METTL2A: variants seen among roughly 807,000 people sequenced by gnomAD.
METTL2A encodes the protein tRNA N(3)-cytidine methyltransferase METTL2A.
METTL2A carries 45 observed loss-of-function variants against 49.4 expected under a neutral mutation model. That is an observed-to-expected ratio of 0.91 (90% CI 0.72 to 1.17). The LOEUF is 1.17. Among genes scored for constraint, METTL2A ranks in the 50% most tolerant of loss-of-function variants. The probability of loss-of-function intolerance (pLI) is 0.00; values close to 1 mark genes in which losing one functional copy is unlikely to be tolerated. For missense variants in METTL2A, 361 were observed against 462.2 expected, an observed-to-expected ratio of 0.78 and a Z score of 2.01; for synonymous variants, 118 against 167.5, an observed-to-expected ratio of 0.70 and a Z score of 2.28.
chr17:62,437,238 C>T (rs1426064086), intron 5 of METTL2A, among the ~76,000 whole-genome samples: 2 of 149,004 alleles, frequency 1.3e-5, no homozygotes, highest in Non-Finnish European at 3.0e-5. Context: ...TGGGCTCAGG[C>T]GAACCTGATG....
intron 5 of METTL2A, among the ~76,000 whole-genome samples, chr17:62,439,494 T>C (rs1208247472): frequency 6.6e-6 from 1 of 151,974 alleles, no homozygotes; most frequent in Non-Finnish European, 1.5e-5. Flanking sequence ...AGTGCAGTGG[T>C]GCCATCTCAG....
In METTL2A at chr17:62,444,907, G is replaced by A. The variant is rs371497579; in HGVS notation, c.880G>A (p.Gly294Ser). ...CGGGATGATGCTTCTGCGAGATTAC[G>A]GCCGCTATGACATGGCTCAGCTTCG... ...PGGMMLLRDY[G>S]RYDMAQLRFK... The change falls in exon 7 of 9, where the codon GGC (glycine) becomes AGC (serine). Residue 294 changes from glycine (G) to serine (S), a missense_variant. Around this residue, in one of 3 missense-constraint regions of METTL2A, gnomAD observed 183 missense variants for 216.5 expected, o/e 0.85. Transcript: ENST00000311506. 2.3e-5 allele frequency: 37 copies of A among 1,613,850 alleles called. No individual in the cohort carries two copies. The African/African-American group carries it at 3.7e-4, about 16-fold the overall frequency.
Position 62,452,400 on chromosome 17 carries a change from G to T in METTL2A, c.*3671G>T, listed in dbSNP as rs1432413416. 6.6e-6 allele frequency among the ~76,000 whole-genome samples: 1 copy of T among 152,182 alleles called. No individual in the cohort carries two copies. Among genetic ancestry groups the T allele is most frequent in the African/African-American group, 2.4e-5 (1 of 41,460 alleles). On this transcript the variant is annotated 3_prime_UTR_variant, in exon 9 of 9. Coordinates refer to ENST00000311506, the MANE Select transcript of METTL2A (RefSeq NM_181725.4). Reference sequence around the variant, plus strand: ...AAGTTAATAAGTATTTTGTAGGGAAGTGCTTTGAGACTAAATATCCTGTTC... The same window carrying T: ...AAGTTAATAAGTATTTTGTAGGGAATTGCTTTGAGACTAAATATCCTGTTC...
intron 4 of METTL2A, among the ~76,000 whole-genome samples, chr17:62,430,919 G>T (rs2070660452): frequency 6.6e-6 from 1 of 152,178 alleles, no homozygotes; most frequent in Admixed American, 6.5e-5. Context: ...AGGCTGGAGT[G>T]CAGTGGTGCG....
intron 4 of METTL2A, among the ~76,000 whole-genome samples, chr17:62,432,358 G>C (rs913453896): frequency 6.6e-6 from 1 of 152,200 alleles, no homozygotes; most frequent in African/African-American, 2.4e-5. Context: ...GAGGATTCAA[G>C]CAATCATGGA....
rs2144166692 is a variant in METTL2A, at chr17:62,453,149, G to A, written c.*4420G>A. 6.6e-6 allele frequency among the ~76,000 whole-genome samples: 1 copy of A among 152,170 alleles called. No homozygotes were observed. Among genetic ancestry groups the A allele is most frequent in the Non-Finnish European group, 1.5e-5 (1 of 68,000 alleles). On this transcript the variant is annotated 3_prime_UTR_variant, in exon 9 of 9. Coordinates refer to ENST00000311506, the MANE Select transcript of METTL2A (RefSeq NM_181725.4). ...TTTTATCTTTCTGGCACCTGGTTTGGGCTTTGGGCTTAGATTAAAAAGACG... is the reference window on the plus strand; with the variant it reads ...TTTTATCTTTCTGGCACCTGGTTTGAGCTTTGGGCTTAGATTAAAAAGACG...
rs1456242254 is a variant in METTL2A at position 62,449,932 on chromosome 17, A to C, written c.*1203A>C. The C allele has an allele frequency of 6.5e-6, 1 of 153,376 alleles. No individual in the cohort carries two copies. The highest frequency in any genetic ancestry group is 1.4e-5 in the Non-Finnish European group (1 of 69,290). The allele number at this position is 153,376 out of a possible 1,614,324, so 9.5% of individuals were successfully genotyped here. On this transcript the variant is annotated 3_prime_UTR_variant, in exon 9 of 9. Coordinates refer to ENST00000311506, the MANE Select transcript of METTL2A (RefSeq NM_181725.4). ...CTCGTCTCCACTAAAAATACCAAAA[A>C]AATTAGCTGGGCATGGTGGCACACA...
At position 62,440,682 on chromosome 17, in the gene METTL2A, G is replaced by T; in HGVS notation, c.735G>T (p.Lys245Asn). 6.2e-7 allele frequency: 1 copy of T among 1,614,036 alleles called. No individual in the cohort carries two copies. Among genetic ancestry groups the T allele is most frequent in the South Asian group, 1.1e-5 (1 of 91,054 alleles). ...AFVHDLCDEE[K>N]SYPVPKGSLD... Reference sequence around the variant, plus strand: ...TTCACGACCTGTGTGATGAAGAGAAGAGTTACCCAGTGCCCAAGGGCAGTC... The same window carrying T: ...TTCACGACCTGTGTGATGAAGAGAATAGTTACCCAGTGCCCAAGGGCAGTC... The change falls in exon 6 of 9, where the codon AAG becomes AAT. Residue 245 changes from lysine to asparagine, a missense_variant. Coordinates refer to ENST00000311506, the MANE Select transcript of METTL2A (RefSeq NM_181725.4).
chr17:62,435,068 A>T, intron 4 of METTL2A, 164 bp from the exon 5 acceptor site: 1 of 1,089,648 alleles, frequency 9.2e-7, no homozygotes, highest in Non-Finnish European at 1.3e-6. Context: ...ATATAATTCA[A>T]AAGGGATTTT....
At chr17:62,445,970 G>A (rs1406264026) in intron 7 of METTL2A, among the ~76,000 whole-genome samples, 2 of 152,080 alleles carry the variant, frequency 1.3e-5, no homozygotes, top group African/African-American at 2.4e-5. Flanking sequence ...AAACTGATAA[G>A]GAAAAGATCA....
At position 62,452,987 on chromosome 17, in the gene METTL2A, C is replaced by A. The variant is rs1160528354; in HGVS notation, c.*4258C>A. On this transcript the variant is annotated 3_prime_UTR_variant, in exon 9 of 9. Transcript: ENST00000311506. ...TTTCCATTACTGTATTTACTTAAAA[C>A]TGGAAAAAACTGAATCACTGGGATG... is the stretch of plus-strand genomic sequence containing the variant. Among the ~76,000 whole-genome samples, 1 of 152,118 alleles carries A rather than the reference C, an allele frequency of 6.6e-6. No homozygotes were observed. The highest frequency in any genetic ancestry group is 1.5e-5 in the Non-Finnish European group (1 of 68,030).
At chr17:62,441,890 G>A (rs1460800698) in intron 6 of METTL2A, among the ~76,000 whole-genome samples, 4 of 150,616 alleles carry the variant, frequency 2.7e-5, no homozygotes, top group South Asian at 4.2e-4. Flanking sequence ...ACAGGTGTAC[G>A]CCACCATGCC....
Position 62,452,069 on chromosome 17 carries a change from C to A in METTL2A, c.*3340C>A, listed in dbSNP as rs966588206. On this transcript the variant is annotated 3_prime_UTR_variant, in exon 9 of 9. Coordinates refer to ENST00000311506, the MANE Select transcript of METTL2A (RefSeq NM_181725.4). ...TGAGACTCCGTCTCAAAATAAAAAACAAAAAAAATGTAAAAAATAAATAAT... is the reference window on the plus strand; with the variant it reads ...TGAGACTCCGTCTCAAAATAAAAAAAAAAAAAAATGTAAAAAATAAATAAT... Among the ~76,000 whole-genome samples, 1 of 151,834 alleles carries A rather than the reference C, an allele frequency of 6.6e-6. No homozygotes were observed. Among genetic ancestry groups the A allele is most frequent in the Non-Finnish European group, 1.5e-5 (1 of 67,984 alleles).
intron 4 of METTL2A, among the ~76,000 whole-genome samples, chr17:62,433,684 G>A (rs2070681010): frequency 6.6e-6 from 1 of 151,438 alleles, no homozygotes; most frequent in Non-Finnish European, 1.5e-5. Flanking sequence ...AGGCTTCAGT[G>A]AGCTGAGATT....
At chr17:62,424,465 G>T (rs541824007) in intron 2 of METTL2A, among the ~76,000 whole-genome samples, 155 bp downstream of exon 2, 4 of 152,300 alleles carry the variant, frequency 2.6e-5, no homozygotes, top group Non-Finnish European at 5.9e-5. Context: ...GATGAGCAAG[G>T]AGAGAAAAGG....
rs2070800686 is a variant in METTL2A at position 62,450,656 on chromosome 17, C to G, written c.*1927C>G. 6.6e-6 allele frequency: 1 copy of G among 151,974 alleles called. No individual in the cohort carries two copies. The highest frequency in any genetic ancestry group is 1.5e-5 in the Non-Finnish European group (1 of 68,030). 9.4% of individuals were successfully genotyped at this position (151,974 alleles called of 1,614,324 possible). ...CCTGGCTAACATAGTGAAACCCCGT[C>G]TCCACTAAAAAATAAAAAATCAGCC... On this transcript the variant is annotated 3_prime_UTR_variant, in exon 9 of 9. Coordinates refer to ENST00000311506, the MANE Select transcript of METTL2A (RefSeq NM_181725.4).
At chr17:62,424,764 G>A (rs1275189046) in intron 2 of METTL2A, among the ~76,000 whole-genome samples, 2 of 151,880 alleles carry the variant, frequency 1.3e-5, no homozygotes, top group Non-Finnish European at 2.9e-5. Flanking sequence ...TTGTGTGATG[G>A]TTATGAGAAT....
At position 62,448,713 on chromosome 17, in the gene METTL2A, T is replaced by G; in HGVS notation, c.1121T>G (p.Leu374Arg). The change falls in exon 9 of 9, where the codon CTG (leucine) becomes CGG (arginine). Residue 374 changes from leucine to arginine, a missense_variant. By Grantham distance (102) the Leu-to-Arg change is moderately radical. This residue lies in a region of METTL2A where 183 missense variants were observed against 216.5 expected (regional missense o/e 0.85). Coordinates refer to ENST00000311506, the MANE Select transcript of METTL2A (RefSeq NM_181725.4). ...WIQCKYCKPL[L>R]SSTS ...CAGTGCAAATACTGCAAGCCCCTTC[T>G]GTCCAGCACCAGCTGAGAGGCACCT... 6.2e-7 allele frequency: 1 copy of G among 1,614,076 alleles called. No individual in the cohort carries two copies.
At chr17:62,444,516 G>A (rs558707360) in intron 6 of METTL2A, among the ~76,000 whole-genome samples, 1 of 152,296 alleles carries the variant, frequency 6.6e-6, no homozygotes, top group South Asian at 2.1e-4. Context: ...CTGACCTCAT[G>A]TGATCCACCT....
Sources: allele counts gnomAD v4.1 joint callset (sites outside exome capture counted in the v4.1 genomes callset), GRCh38; gene constraint gnomAD v4.1.1; regional missense constraint gnomAD v4.1.1; transcripts MANE v1.5; gene names NCBI Gene and HGNC (gene_info 2026-07-23, HGNC 2026-07-21).